The following DRC8 variants were observed in gnomAD, a reference collection of about 807,000 sequenced individuals.
DRC8 encodes the protein dynein regulatory complex subunit 8, also known as dynein regulatory complex protein 8.
At chr1:244,970,399 G>A in the DRC8 span, 6 of 1,538,738 alleles carry the variant, frequency 3.9e-6, no homozygotes, top group African/African-American at 4.1e-5. Flanking sequence ...CATCTCCCAG[G>A]CGACCGGCTC....
chr1:244,979,292 C>CTTTTTTTTT, the DRC8 span, among the ~76,000 whole-genome samples: 2 of 51,370 alleles, frequency 3.9e-5, no homozygotes, highest in Non-Finnish European at 3.1e-5. Flanking sequence ...CGAAGCTTAT[C>CTTTTTTTTT]TTTTTTTTTT....
the DRC8 span, among the ~76,000 whole-genome samples, chr1:245,075,872 G>A: frequency 6.6e-6 from 1 of 152,204 alleles, no homozygotes; most frequent in African/African-American, 2.4e-5. Flanking sequence ...AGGGAGGGAT[G>A]TGGAGTTTGG....
chr1:245,106,806 A>T, the DRC8 span, among the ~76,000 whole-genome samples: 14 of 152,194 alleles, frequency 9.2e-5, no homozygotes, highest in Admixed American at 9.2e-4. Flanking sequence ...GCACTTTGGG[A>T]GGCTGAGGCT....
At chr1:245,121,418 C>G in the DRC8 span, among the ~76,000 whole-genome samples, 2 of 152,236 alleles carry the variant, frequency 1.3e-5, no homozygotes, top group Non-Finnish European at 2.9e-5. Flanking sequence ...GCATCTGTTT[C>G]TTTGGGTTGG....
chr1:245,081,934 A>G, the DRC8 span: 1 of 613,040 alleles, frequency 1.6e-6, no homozygotes. Context: ...TTAAAAAGAT[A>G]AAGTAAAGGA....
the DRC8 span, among the ~76,000 whole-genome samples, chr1:245,041,810 G>T: frequency 2.0e-5 from 3 of 152,138 alleles, no homozygotes; most frequent in African/African-American, 4.8e-5. Flanking sequence ...ACAGTGGGAT[G>T]CTCGCGCACA....
the DRC8 span, among the ~76,000 whole-genome samples, chr1:245,029,768 G>C: frequency 6.6e-6 from 1 of 151,718 alleles, no homozygotes. Flanking sequence ...GCCAATTTTT[G>C]TATTTTTAGT....
chr1:245,057,773 A>G, the DRC8 span, among the ~76,000 whole-genome samples: 3 of 151,980 alleles, frequency 2.0e-5, no homozygotes, highest in African/African-American at 7.3e-5. Context: ...ATCACCTCAA[A>G]CGTTTATCTT....
chr1:245,112,489 A>AT, the DRC8 span, among the ~76,000 whole-genome samples: 1 of 152,220 alleles, frequency 6.6e-6, no homozygotes, highest in African/African-American at 2.4e-5. Flanking sequence ...GTTATTGAAA[A>AT]TTTTACTATA....
chr1:245,071,852 C>T, the DRC8 span, among the ~76,000 whole-genome samples: 5 of 152,204 alleles, frequency 3.3e-5, no homozygotes, highest in Non-Finnish European at 7.3e-5. Context: ...CTTGGTCTGT[C>T]TGTGGAATGG....
chr1:245,053,728 C>T, the DRC8 span, among the ~76,000 whole-genome samples: 2 of 152,164 alleles, frequency 1.3e-5, no homozygotes, highest in Non-Finnish European at 2.9e-5. Flanking sequence ...ATGTCAATCA[C>T]GTGGGCTTTG....
At chr1:245,025,952 A>G in the DRC8 span, among the ~76,000 whole-genome samples, 114,003 of 152,176 alleles carry the variant, frequency 0.75, 46,346 homozygotes, top group Middle Eastern at 0.91. Flanking sequence ...CTGTGAATCC[A>G]TGAAGCCTCT....
At chr1:245,098,868 G>A in the DRC8 span, among the ~76,000 whole-genome samples, 2 of 152,204 alleles carry the variant, frequency 1.3e-5, no homozygotes, top group African/African-American at 4.8e-5. Flanking sequence ...AGCGGAGCCC[G>A]TGTGGCGGCT....
the DRC8 span, among the ~76,000 whole-genome samples, chr1:245,016,187 G>A: frequency 6.6e-6 from 1 of 152,014 alleles, no homozygotes; most frequent in Admixed American, 6.6e-5. Flanking sequence ...CACCCTGTTG[G>A]CCAGGCTGGT....
At chr1:244,980,722 A>T in the DRC8 span, among the ~76,000 whole-genome samples, 3 of 152,210 alleles carry the variant, frequency 2.0e-5, no homozygotes, top group Admixed American at 2.0e-4. Context: ...GGTGCCTGTG[A>T]GGCATTCAGG....
chr1:244,970,553 G>A, the DRC8 span: 6 of 1,403,840 alleles, frequency 4.3e-6, no homozygotes, highest in South Asian at 1.3e-5. Flanking sequence ...GTTCCCACCC[G>A]CAGGGAAAGG....
chr1:245,020,794 AT>A, the DRC8 span, among the ~76,000 whole-genome samples: 1,324 of 125,734 alleles, frequency 0.011, 6 homozygotes, highest in African/African-American at 0.019. Flanking sequence ...TAATTTTCGT[AT>A]TTTTTTTTTT....
chr1:245,024,927 A>AT, the DRC8 span, among the ~76,000 whole-genome samples: 5 of 152,000 alleles, frequency 3.3e-5, no homozygotes, highest in Admixed American at 6.6e-5. Flanking sequence ...ACAGTTTATG[A>AT]TTTTTCCCCA....
At chr1:245,002,114 A>T in the DRC8 span, 2 of 1,594,604 alleles carry the variant, frequency 1.3e-6, no homozygotes, top group Non-Finnish European at 1.7e-6. Context: ...TGTCTCCTTT[A>T]TGCTAGGGCC....
Sources: allele counts gnomAD v4.1 joint callset (sites outside exome capture counted in the v4.1 genomes callset), GRCh38; gene constraint gnomAD v4.1.1; transcripts MANE v1.5; gene names NCBI Gene and HGNC (gene_info 2026-07-23, HGNC 2026-07-21).